TJP2: variants seen among roughly 807,000 people sequenced by gnomAD.
TJP2 encodes the protein Friedreich ataxia region gene X104 (tight junction protein ZO-2).
A neutral mutation model predicts 133.1 loss-of-function variants in TJP2; 91 were observed. The observed-to-expected ratio is 0.68, with a 90% CI of 0.58 to 0.81. The LOEUF (loss-of-function observed/expected upper bound fraction) is 0.81, where lower values mean the gene tolerates loss of function less well. TJP2 is among the 40% of genes least tolerant of loss of function. The pLI is 0.00. For missense variants in TJP2, 1,541 were observed against 1,565.6 expected (o/e 0.98, Z 0.26); for synonymous variants, 592 against 583.4 (o/e 1.01, Z -0.21).
chr9:69,224,087 A>AAATTTATGCTCTT (rs1829129491), intron 5 of TJP2, among the ~76,000 whole-genome samples: 2 of 152,238 alleles, frequency 1.3e-5, no homozygotes, highest in African/African-American at 4.8e-5. Flanking sequence ...AGTAGCATTG[A>AAATTTATGCTCTT]AAGTATTTAA....
intron 2 of TJP2, among the ~76,000 whole-genome samples, chr9:69,159,947 A>G (rs933392772): frequency 2.0e-5 from 3 of 150,564 alleles, no homozygotes; most frequent in Non-Finnish European, 3.0e-5. Context: ...TAGAGTGTGT[A>G]TATATATATA....
At chr9:69,216,253 T>G (rs1446272113) in intron 2 of TJP2, 86 bp from the exon 3 acceptor site, 22 of 1,532,066 alleles carry the variant, frequency 1.4e-5, no homozygotes, top group African/African-American at 2.7e-5. Context: ...GTTATTGATT[T>G]GACCTTTATT....
At chr9:69,186,236 G>T (rs1349464836) in intron 1 of TJP2, among the ~76,000 whole-genome samples, 1 of 152,070 alleles carries the variant, frequency 6.6e-6, no homozygotes, top group African/African-American at 2.4e-5. Flanking sequence ...ACTTTCCAGG[G>T]ACCCTACTAT....
At chr9:69,246,841 T>A in intron 18 of TJP2, 51 bp downstream of exon 18, 1 of 1,519,532 alleles carries the variant, frequency 6.6e-7, no homozygotes, top group African/African-American at 1.4e-5. Flanking sequence ...GTTCTGAAAC[T>A]TTTCTCAAGA....
chr9:69,155,802 C>G (rs1337747914), intron 2 of TJP2, among the ~76,000 whole-genome samples: 1 of 152,144 alleles, frequency 6.6e-6, no homozygotes, highest in African/African-American at 2.4e-5. Flanking sequence ...GCCCTCACCC[C>G]CTTAAGAGGA....
chr9:69,179,179 T>G (rs928662475), intron 1 of TJP2, among the ~76,000 whole-genome samples: 3 of 152,234 alleles, frequency 2.0e-5, no homozygotes, highest in African/African-American at 7.2e-5. Flanking sequence ...TTCACACCAT[T>G]TATGAGAAAT....
chr9:69,221,235 C>T lies in TJP2; in HGVS notation c.691C>T (p.Pro231Ser), dbSNP rs1429967677. 3 of 1,606,944 alleles carry T rather than the reference C, an allele frequency of 1.9e-6. No individual in the cohort carries two copies. Among genetic ancestry groups the T allele is most frequent in the Non-Finnish European group, 1.7e-6 (2 of 1,177,058 alleles). ...LERGLDHDFG[P>S]SRDRDRDRSR... The stretch of plus-strand genomic sequence containing the variant: ...GCGGGGCCTGGACCACGACTTTGGG[C>T]CATCCCGGGACCGGGACCGTGACCG... The change falls in exon 5 of 23, where the codon CCA (proline) becomes TCA (serine). Residue 231 changes from proline to serine, a missense_variant. Pro to Ser is a moderately conservative substitution (Grantham distance 74, BLOSUM62 -1). Coordinates refer to ENST00000377245, the MANE Select transcript of TJP2 (RefSeq NM_004817.4).
intron 2 of TJP2, among the ~76,000 whole-genome samples, chr9:69,153,937 CGTCGCCCTA>C (rs1037884317): frequency 1.3e-5 from 2 of 152,168 alleles, no homozygotes; most frequent in Non-Finnish European, 2.9e-5. Context: ...AGGCATCTCA[CGTCGCCCTA>C]GTTTCAGATC....
At chr9:69,220,188 TA>T (rs536073923) in intron 4 of TJP2, among the ~76,000 whole-genome samples, 1 of 152,150 alleles carries the variant, frequency 6.6e-6, no homozygotes, top group South Asian at 2.1e-4. Flanking sequence ...TTTTCTTCCT[TA>T]AAATTTTAAA....
Position 69,254,957 on chromosome 9 carries a change from C to G in TJP2, c.*583C>G, listed in dbSNP as rs2133526352. On this transcript the variant is annotated 3_prime_UTR_variant, in exon 23 of 23. Transcript: ENST00000377245. ...TGTAGTTTTCCCTGCACTGTGTCAT[C>G]TTTTCAAGGCATTTGTCTTTGTAAT... 3.9e-6 allele frequency: 1 copy of G among 257,934 alleles called. No homozygotes were observed. The highest frequency in any genetic ancestry group is 7.2e-5 in the East Asian group (1 of 13,914). 16.0% of individuals were successfully genotyped at this position (257,934 alleles called of 1,614,324 possible). A position where few individuals can be genotyped will look rare whatever the true frequency, so the allele number is the denominator to read the frequency against.
rs199951923 is a variant in TJP2 at position 69,137,221 on chromosome 9, C to CT, written c.-130-14427dup. 2.0e-4 allele frequency among the ~76,000 whole-genome samples: 27 copies of CT among 135,280 alleles called. 1 individual carries two copies. The highest frequency in any genetic ancestry group is 7.5e-4 in the African/African-American group (26 of 34,864). The allele number at this position is 135,280 out of a possible 152,430, so 88.7% of individuals were successfully genotyped here. A position where few individuals can be genotyped will look rare whatever the true frequency, so the allele number is the denominator to read the frequency against. ...CAATGATCATGAGCTTCTTTGTTTT[C>CT]TTTCCTTCTTTCTTTCTTTCTCTCT... On this transcript the variant is annotated intron_variant, in intron 1 of 5. Coordinates refer to the TJP2 transcript ENST00000423935.
intron 1 of TJP2, among the ~76,000 whole-genome samples, chr9:69,128,625 C>T (rs1399681481): frequency 6.6e-6 from 1 of 151,518 alleles, no homozygotes; most frequent in Non-Finnish European, 1.5e-5. Context: ...CGGGTTCACA[C>T]CATTCTCCTG....
intron 2 of TJP2, among the ~76,000 whole-genome samples, chr9:69,162,208 A>G (rs1824116564): frequency 2.7e-5 from 4 of 148,474 alleles, no homozygotes; most frequent in South Asian, 4.2e-4. Flanking sequence ...TATATATAAA[A>G]TACAATTATA....
intron 1 of TJP2, among the ~76,000 whole-genome samples, chr9:69,206,804 C>T (rs1359687432): frequency 6.6e-6 from 1 of 152,160 alleles, no homozygotes; most frequent in East Asian, 1.9e-4. Context: ...GTCTTGATCT[C>T]CTGACCTCGT....
intron 18 of TJP2, 107 bp from the exon 19 acceptor site, chr9:69,247,905 C>G: frequency 9.1e-7 from 1 of 1,095,780 alleles, no homozygotes; most frequent in Non-Finnish European, 1.3e-6. Flanking sequence ...CCCTGGCGAG[C>G]ACATCAAGGT....
intron 1 of TJP2, among the ~76,000 whole-genome samples, chr9:69,180,855 G>A (rs537994909): frequency 2.0e-5 from 3 of 152,180 alleles, no homozygotes; most frequent in Non-Finnish European, 4.4e-5. Flanking sequence ...TGGTGAGGAT[G>A]CACATGCTAG....
intron 2 of TJP2, among the ~76,000 whole-genome samples, chr9:69,165,474 A>T (rs181753404): frequency 6.6e-6 from 1 of 152,046 alleles, no homozygotes; most frequent in Non-Finnish European, 1.5e-5. Context: ...ACCATGGGCA[A>T]ACTGCTTTCT....
intron 5 of TJP2, among the ~76,000 whole-genome samples, chr9:69,222,573 CTT>C: frequency 6.6e-6 from 1 of 152,332 alleles, no homozygotes; most frequent in East Asian, 1.9e-4. Flanking sequence ...AGGGAGGACT[CTT>C]GTTTCTCCAT....
intron 1 of TJP2, among the ~76,000 whole-genome samples, chr9:69,209,969 C>T (rs1330610474): frequency 1.3e-5 from 2 of 151,958 alleles, no homozygotes; most frequent in African/African-American, 4.8e-5. Context: ...CAGAGAGCCA[C>T]GAATTTGATA....
Sources: allele counts gnomAD v4.1 joint callset (sites outside exome capture counted in the v4.1 genomes callset), GRCh38; gene constraint gnomAD v4.1.1; transcripts MANE v1.5; gene names NCBI Gene and HGNC (gene_info 2026-07-23, HGNC 2026-07-21).